The following KIF26B variants were observed in gnomAD, a reference collection of about 807,000 sequenced individuals.
KIF26B encodes the protein kinesin family member 26B, also known as kinesin-like protein KIF26B.
In KIF26B, 63 loss-of-function variants were observed where a neutral mutation model predicts 151.2. The ratio of observed to expected loss-of-function variants is 0.42; its 90% CI spans 0.34 to 0.51. The LOEUF (loss-of-function observed/expected upper bound fraction) is 0.51, where lower values mean the gene tolerates loss of function less well. KIF26B is among the 20% of genes least tolerant of loss of function. The pLI, the probability that KIF26B is intolerant of heterozygous loss-of-function variation, is 0.07. For synonymous variants in KIF26B, 1,357 were observed against 1,262.1 expected, an observed-to-expected ratio of 1.08 and a Z score of -1.59; for missense variants, 2,813 against 2,913.6, an observed-to-expected ratio of 0.97 and a Z score of 0.79.
chr1:245,581,391 T>G (rs890002191), intron 5 of KIF26B, among the ~76,000 whole-genome samples: 1 of 151,670 alleles, frequency 6.6e-6, no homozygotes, highest in Non-Finnish European at 1.5e-5. Context: ...ATTATAGTGA[T>G]GAAGAAAGAA....
chr1:245,298,846 C>G (rs141230689), intron 2 of KIF26B, among the ~76,000 whole-genome samples: 2 of 152,160 alleles, frequency 1.3e-5, no homozygotes, highest in African/African-American at 2.4e-5. Flanking sequence ...GCCCATGATC[C>G]GCGAGCTGTT....
chr1:245,698,095 C>G lies in KIF26B; in HGVS notation c.5825-11C>G, dbSNP rs753028910. 1 of 1,609,006 alleles carries G rather than the reference C, an allele frequency of 6.2e-7. No homozygotes were observed. The highest frequency in any genetic ancestry group is 8.5e-7 in the Non-Finnish European group (1 of 1,177,138). On this transcript the variant is annotated splice_polypyrimidine_tract_variant and intron_variant, in intron 12 of 14. Transcript: ENST00000407071. The surrounding 1 kb of genome is among the most constrained non-coding windows in gnomAD (Gnocchi z 4.0). The stretch of plus-strand genomic sequence containing the variant: ...GAAAGACTAACTCTCTGGGCTTATC[C>G]CCCTCCTCAGGTTCTCAGAGACGGA...
intron 11 of KIF26B, among the ~76,000 whole-genome samples, chr1:245,685,095 G>A (rs947831671): frequency 3.9e-5 from 6 of 152,220 alleles, no homozygotes; most frequent in East Asian, 1.9e-4. Flanking sequence ...AGAGTTCCAC[G>A]GCACAGGGTG....
At chr1:245,390,947 A>AC (rs1673681891) in intron 3 of KIF26B, among the ~76,000 whole-genome samples, 1 of 145,792 alleles carries the variant, frequency 6.9e-6, no homozygotes, top group African/African-American at 2.6e-5. Flanking sequence ...AAAAAAAAAA[A>AC]AAAAACCACC....
intron 10 of KIF26B, among the ~76,000 whole-genome samples, chr1:245,668,794 A>G (rs1326965618): frequency 2.6e-5 from 4 of 152,028 alleles, no homozygotes; most frequent in Non-Finnish European, 4.4e-5. Flanking sequence ...GGTTCAAGTG[A>G]TTCTTCTGCC....
intron 4 of KIF26B, among the ~76,000 whole-genome samples, chr1:245,517,869 A>ATT (rs549396811): frequency 1.0e-3 from 131 of 130,994 alleles, no homozygotes; most frequent in African/African-American, 3.4e-3. Flanking sequence ...GTGTCATGTA[A>ATT]TTTTTTTTTT....
intron 2 of KIF26B, among the ~76,000 whole-genome samples, chr1:245,355,064 G>A (rs1271232377): frequency 6.6e-6 from 1 of 152,086 alleles, no homozygotes; most frequent in Non-Finnish European, 1.5e-5. Flanking sequence ...GGGGCTACAG[G>A]CACCCACCAC....
intron 2 of KIF26B, among the ~76,000 whole-genome samples, chr1:245,188,817 C>G (rs534613582): frequency 6.6e-6 from 1 of 152,296 alleles, no homozygotes; most frequent in East Asian, 1.9e-4. Flanking sequence ...AGCCCAGTGT[C>G]CATCATGGAT....
At chr1:245,489,091 C>G (rs1660343543) in intron 4 of KIF26B, among the ~76,000 whole-genome samples, 1 of 152,184 alleles carries the variant, frequency 6.6e-6, no homozygotes, top group African/African-American at 2.4e-5. Flanking sequence ...AACGGATAGT[C>G]TGGCGGCACG....
intron 2 of KIF26B, among the ~76,000 whole-genome samples, chr1:245,164,821 C>G (rs1417512219): frequency 3.3e-5 from 5 of 152,210 alleles, no homozygotes; most frequent in African/African-American, 1.2e-4. Context: ...GCCTGTAATC[C>G]CAGAACTTTG....
intron 2 of KIF26B, among the ~76,000 whole-genome samples, chr1:245,175,718 ATC>A (rs1668791277): frequency 6.6e-6 from 1 of 151,978 alleles, no homozygotes. Context: ...AAGTCATATG[ATC>A]TCTTTTATTG....
At chr1:245,182,036 A>G (rs1489988874) in intron 2 of KIF26B, among the ~76,000 whole-genome samples, 1 of 152,182 alleles carries the variant, frequency 6.6e-6, no homozygotes, top group Non-Finnish European at 1.5e-5. Context: ...CTCTTGGCCA[A>G]TTAGGAATCT....
chr1:245,291,042 T>A (rs780152461), intron 2 of KIF26B, among the ~76,000 whole-genome samples: 1 of 152,172 alleles, frequency 6.6e-6, no homozygotes, highest in Non-Finnish European at 1.5e-5. Flanking sequence ...TCTTTTATCT[T>A]CCAGAAGGCT....
chr1:245,601,026 A>G lies in KIF26B; in HGVS notation c.1351-1551A>G, dbSNP rs1339530317. 6.6e-6 allele frequency among the ~76,000 whole-genome samples: 1 copy of G among 152,198 alleles called. No individual in the cohort carries two copies. The highest frequency in any genetic ancestry group is 6.5e-5 in the Admixed American group (1 of 15,284). On this transcript the variant is annotated intron_variant, in intron 5 of 14. Transcript: ENST00000407071. The surrounding 1 kb of genome is among the most constrained non-coding windows in gnomAD (Gnocchi z 4.4). Reference sequence around the variant, plus strand: ...CTGTAAAATCTGGACAGGCATACCTACACCCTGGAGCATTGGGAGGATTAA... The same window carrying G: ...CTGTAAAATCTGGACAGGCATACCTGCACCCTGGAGCATTGGGAGGATTAA...
At chr1:245,652,277 T>C (rs2044028067) in intron 10 of KIF26B, among the ~76,000 whole-genome samples, 1 of 152,204 alleles carries the variant, frequency 6.6e-6, no homozygotes, top group South Asian at 2.1e-4. Context: ...GAGCGTTCCC[T>C]ATTTAGAAAT....
intron 7 of KIF26B, 104 bp downstream of exon 7, chr1:245,607,848 G>A (rs748909529): frequency 5.5e-5 from 48 of 866,336 alleles, no homozygotes; most frequent in East Asian, 1.1e-4. Flanking sequence ...GAAGGGCTGC[G>A]TTTCTCTTAG....
intron 9 of KIF26B, among the ~76,000 whole-genome samples, chr1:245,636,547 A>G (rs1316897950): frequency 2.0e-5 from 3 of 151,688 alleles, no homozygotes; most frequent in African/African-American, 4.8e-5. Flanking sequence ...GGGAATGTTT[A>G]TTATTAACTA....
chr1:245,543,514 A>G (rs1661670481), intron 5 of KIF26B, among the ~76,000 whole-genome samples: 1 of 152,004 alleles, frequency 6.6e-6, no homozygotes, highest in South Asian at 2.1e-4. Context: ...GTCACAGAAC[A>G]TCATAAGAGA....
intron 4 of KIF26B, among the ~76,000 whole-genome samples, chr1:245,433,477 A>G (rs11587808): frequency 7.0e-4 from 104 of 147,826 alleles, no homozygotes; most frequent in African/African-American, 2.3e-3. Flanking sequence ...AAAAAAAAAA[A>G]AAGAAGAAGA....
Sources: gnomAD v4.1 joint callset for allele counts (sites outside exome capture counted in the v4.1 genomes callset) on GRCh38, gnomAD v4.1.1 for gene constraint, Gnocchi (gnomAD v3.1) non-coding constraint, MANE v1.5 for transcripts, NCBI Gene and HGNC (gene_info 2026-07-23, HGNC 2026-07-21) for gene names.